Variants in IQUB observed in about 807,000 individuals in gnomAD.
The protein encoded by IQUB is IQ motif and ubiquitin-like domain-containing protein.
Under a neutral mutation model 86.4 loss-of-function variants are expected in IQUB, and 86 were observed. That is an observed-to-expected ratio of 1.00 (90% CI 0.84 to 1.19). IQUB has a LOEUF of 1.19. Ranked by LOEUF, IQUB falls within the 50% of genes most tolerant of loss-of-function variation. The probability of loss-of-function intolerance (pLI) is 0.00; values close to 1 mark genes in which losing one functional copy is unlikely to be tolerated. For synonymous variants in IQUB, 289 were observed against 304.5 expected, an observed-to-expected ratio of 0.95 and a Z score of 0.53; for missense variants, 946 against 916.9, an observed-to-expected ratio of 1.03 and a Z score of -0.41.
intron 8 of IQUB, among the ~76,000 whole-genome samples, chr7:123,473,153 C>G (rs1303682711): frequency 6.6e-6 from 1 of 152,168 alleles, no homozygotes; most frequent in African/African-American, 2.4e-5. Context: ...AAGAATAGCC[C>G]TAACTCCCCG....
At chr7:123,485,747 T>C (rs559883542) in intron 7 of IQUB, among the ~76,000 whole-genome samples, 1 of 152,296 alleles carries the variant, frequency 6.6e-6, no homozygotes, top group Non-Finnish European at 1.5e-5. Flanking sequence ...TTTTGATGCA[T>C]CTGCATGTTA....
chr7:123,518,248 A>G (rs1796737434), intron 1 of IQUB, among the ~76,000 whole-genome samples: 1 of 151,930 alleles, frequency 6.6e-6, no homozygotes, highest in Non-Finnish European at 1.5e-5. Flanking sequence ...ATCCTATCAT[A>G]TTTTGACAGT....
chr7:123,509,482 C>T (rs915167827), intron 3 of IQUB, among the ~76,000 whole-genome samples: 5 of 152,128 alleles, frequency 3.3e-5, no homozygotes, highest in South Asian at 4.1e-4. Context: ...TACCACTTCC[C>T]GAAACTTCCA....
intron 5 of IQUB, 65 bp downstream of exon 5, chr7:123,502,879 A>T: frequency 7.0e-7 from 1 of 1,434,444 alleles, no homozygotes; most frequent in Non-Finnish European, 9.5e-7. Flanking sequence ...AATTTGAGAG[A>T]GTCATACAGT....
intron 7 of IQUB, among the ~76,000 whole-genome samples, chr7:123,491,820 A>G (rs982792140): frequency 6.6e-6 from 1 of 152,200 alleles, no homozygotes; most frequent in African/African-American, 2.4e-5. Flanking sequence ...GGAGATTAGC[A>G]TTATCCAAAT....
At chr7:123,470,017 C>G (rs79754635) in intron 8 of IQUB, among the ~76,000 whole-genome samples, 2,181 of 152,222 alleles carry the variant, frequency 0.014, 31 homozygotes, top group Admixed American at 0.03. Flanking sequence ...TTGGTGCCTC[C>G]CAACCTAGCC....
rs569624241 is a variant in IQUB at position 123,491,272 on chromosome 7, G to T, written c.1234+5424C>A. Reference sequence around the variant, plus strand: ...CACCTATAATTAGGAAAGAAGAAAGGTCTCAAATCAAATGACCTCAGCTTC... The same window carrying T: ...CACCTATAATTAGGAAAGAAGAAAGTTCTCAAATCAAATGACCTCAGCTTC... On this transcript the variant is annotated intron_variant, in intron 7 of 12. Transcript: ENST00000324698. 4.9e-4 allele frequency among the ~76,000 whole-genome samples: 75 copies of T among 152,190 alleles called. 1 individual carries two copies. The highest frequency in any genetic ancestry group is 1.8e-3 in the African/African-American group (74 of 41,524).
intron 7 of IQUB, among the ~76,000 whole-genome samples, chr7:123,489,483 T>A (rs1035503366): frequency 2.6e-5 from 4 of 151,970 alleles, no homozygotes; most frequent in East Asian, 3.8e-4. Context: ...GAAATTCAGA[T>A]AACAAAGTTA....
chr7:123,487,222 G>A (rs1019928486), intron 7 of IQUB, among the ~76,000 whole-genome samples: 5 of 152,078 alleles, frequency 3.3e-5, no homozygotes, highest in East Asian at 1.9e-4. Context: ...CCCCAGCCAT[G>A]GTTCCTGTAC....
chr7:123,529,906 G>C (rs1203294982), intron 1 of IQUB, among the ~76,000 whole-genome samples: 2 of 151,990 alleles, frequency 1.3e-5, no homozygotes, highest in African/African-American at 2.4e-5. Flanking sequence ...GGTGGCATGT[G>C]CCTGTAATCC....
intron 6 of IQUB, 67 bp from the exon 7 acceptor site, chr7:123,496,973 A>G: frequency 2.2e-6 from 2 of 927,228 alleles, no homozygotes; most frequent in African/African-American, 1.7e-5. Context: ...AATAAAGGCA[A>G]TGATGATTAT....
chr7:123,500,755 G>A (rs1795906680), intron 6 of IQUB, among the ~76,000 whole-genome samples: 1 of 151,840 alleles, frequency 6.6e-6, no homozygotes, highest in Non-Finnish European at 1.5e-5. Context: ...CATCCTCGTT[G>A]GCAGCATTTA....
chr7:123,482,639 A>G (rs1005755609), intron 7 of IQUB, among the ~76,000 whole-genome samples: 1 of 152,158 alleles, frequency 6.6e-6, no homozygotes, highest in African/African-American at 2.4e-5. Flanking sequence ...CCAAAATTTC[A>G]GCAAGGGAAA....
At chr7:123,493,786 T>A (rs530680629) in intron 7 of IQUB, among the ~76,000 whole-genome samples, 10 of 150,386 alleles carry the variant, frequency 6.6e-5, no homozygotes, top group Admixed American at 5.3e-4. Flanking sequence ...CATGTGTGTA[T>A]ATATACATAT....
rs1344184069 is a variant in IQUB at position 123,509,799 on chromosome 7, C to T, written c.532+102G>A. 3 of 974,800 alleles carry T rather than the reference C, an allele frequency of 3.1e-6. No homozygotes were observed. In the African/African-American group the frequency reaches 5.0e-5, roughly 16 times the overall value. The allele number at this position is 974,800 out of a possible 1,614,324, so 60.4% of individuals were successfully genotyped here. On this transcript the variant is annotated intron_variant, in intron 3 of 12. Coordinates refer to ENST00000324698, the MANE Select transcript of IQUB (RefSeq NM_178827.5). ...GAATGCATAACCACAATATAATGTT[C>T]AATTAGTACCAAGATATTTAGTTTT...
At chr7:123,523,205 T>C (rs1796999043) in intron 1 of IQUB, among the ~76,000 whole-genome samples, 1 of 149,228 alleles carries the variant, frequency 6.7e-6, no homozygotes, top group South Asian at 2.1e-4. Flanking sequence ...TTATAGTCCT[T>C]TGGAAATATA....
chr7:123,460,417 T>A (rs1414318152), intron 11 of IQUB, among the ~76,000 whole-genome samples: 1 of 151,452 alleles, frequency 6.6e-6, no homozygotes, highest in African/African-American at 2.4e-5. Flanking sequence ...ATCTTTTTTT[T>A]AATCTCTATA....
intron 2 of IQUB, among the ~76,000 whole-genome samples, chr7:123,511,044 A>C (rs932453010): frequency 1.3e-5 from 2 of 152,164 alleles, no homozygotes; most frequent in Non-Finnish European, 2.9e-5. Flanking sequence ...AATTTACATT[A>C]AATACTAAAA....
At chr7:123,502,798 T>C in intron 5 of IQUB, 46 bp from the exon 6 acceptor site, 1 of 1,444,320 alleles carries the variant, frequency 6.9e-7, no homozygotes, top group East Asian at 2.3e-5. Flanking sequence ...CCTATATATA[T>C]ACATAAGGGA....
Sources: allele counts gnomAD v4.1 joint callset (sites outside exome capture counted in the v4.1 genomes callset), GRCh38; gene constraint gnomAD v4.1.1; transcripts MANE v1.5; gene names NCBI Gene and HGNC (gene_info 2026-07-23, HGNC 2026-07-21).